MEIS1: variants seen among roughly 807,000 people sequenced by gnomAD.
MEIS1 encodes homeobox protein Meis1.
Under a neutral mutation model 50.8 loss-of-function variants are expected in MEIS1, and 5 were observed. The observed-to-expected ratio is 0.10, with a 90% CI of 0.05 to 0.21. The LOEUF (loss-of-function observed/expected upper bound fraction) is 0.21. Among genes scored for constraint, MEIS1 ranks in the 10% least tolerant of loss-of-function variants. The probability of loss-of-function intolerance (pLI) is 1.00; values close to 1 mark genes in which losing one functional copy is unlikely to be tolerated. For synonymous variants in MEIS1, 176 were observed against 179.3 expected, an observed-to-expected ratio of 0.98 and a Z score of 0.15; for missense variants, 318 against 517.3, an observed-to-expected ratio of 0.61 and a Z score of 3.74.
chr2:66,435,908 T>C, intron 1 of MEIS1, 40 bp downstream of exon 1: 2 of 1,538,834 alleles, frequency 1.3e-6, no homozygotes, highest in Non-Finnish European at 1.7e-6. Context: ...AAATGTGAGA[T>C]TAAATTGAAA....
intron 9 of MEIS1, among the ~76,000 whole-genome samples, chr2:66,554,166 C>G (rs1674993996): frequency 6.6e-6 from 1 of 152,166 alleles, no homozygotes; most frequent in African/African-American, 2.4e-5. Context: ...AGTTGGGAGA[C>G]TGATTTACCC....
rs147200543 is a variant in MEIS1 at position 66,451,714 on chromosome 2, A to G, written c.630+8666A>G. Among the ~76,000 whole-genome samples, 764 of 152,094 alleles carry G rather than the reference A, an allele frequency of 5.0e-3. 7 individuals carry two copies. The highest frequency in any genetic ancestry group is 0.018 in the African/African-American group (734 of 41,552). On this transcript the variant is annotated intron_variant, in intron 6 of 12. Transcript: ENST00000272369. ...TTAATTTCAAACTACATGATGTATA[A>G]TTTCTGAAATTCTAAAGGCATACTT...
At chr2:66,561,397 T>G (rs1675208901) in intron 9 of MEIS1, among the ~76,000 whole-genome samples, 1 of 152,212 alleles carries the variant, frequency 6.6e-6, no homozygotes, top group Non-Finnish European at 1.5e-5. Flanking sequence ...ATTTGAAGAT[T>G]TTTCATGAGG....
chr2:66,445,427 T>C (rs1236593355), intron 6 of MEIS1: 1 of 152,402 alleles, frequency 6.6e-6, no homozygotes, highest in Non-Finnish European at 1.5e-5. Context: ...TGGGCGCCAG[T>C]TCTCCGGTCT....
intron 7 of MEIS1, among the ~76,000 whole-genome samples, chr2:66,477,238 A>G (rs1177486717): frequency 6.6e-6 from 1 of 152,144 alleles, no homozygotes; most frequent in East Asian, 1.9e-4. Context: ...ACTTAGGCAG[A>G]GGGAGGAGGC....
chr2:66,468,731 T>C (rs553140968), intron 7 of MEIS1, among the ~76,000 whole-genome samples: 2 of 152,224 alleles, frequency 1.3e-5, no homozygotes, highest in Non-Finnish European at 2.9e-5. Context: ...CAGTTGTCTG[T>C]ACTGAACCTG....
chr2:66,567,641 A>G, intron 10 of MEIS1, 130 bp downstream of exon 10: 1 of 821,038 alleles, frequency 1.2e-6, no homozygotes, highest in Non-Finnish European at 2.1e-6. Context: ...TTAAAATTAA[A>G]CCAGTTTCGT....
chr2:66,504,249 T>C (rs1172888714), intron 7 of MEIS1, among the ~76,000 whole-genome samples: 1 of 151,872 alleles, frequency 6.6e-6, no homozygotes, highest in Non-Finnish European at 1.5e-5. Flanking sequence ...CTTTCTTTTT[T>C]TTGAGATGGA....
At chr2:66,455,993 T>C (rs1219088735) in intron 6 of MEIS1, among the ~76,000 whole-genome samples, 2 of 152,074 alleles carry the variant, frequency 1.3e-5, no homozygotes, top group East Asian at 1.9e-4. Flanking sequence ...GGTAGAAAAC[T>C]TTTCACTTAA....
At chr2:66,444,867 G>A (rs1389158702) in intron 6 of MEIS1, among the ~76,000 whole-genome samples, 2 of 152,254 alleles carry the variant, frequency 1.3e-5, no homozygotes, top group Admixed American at 6.5e-5. Context: ...ATCGCTTAGG[G>A]GCATGAATGA....
chr2:66,447,381 C>T (rs1339729177), intron 6 of MEIS1, among the ~76,000 whole-genome samples: 1 of 152,200 alleles, frequency 6.6e-6, no homozygotes, highest in Admixed American at 6.5e-5. Context: ...AAAGTCTTAG[C>T]ATCACCTAAC....
At chr2:66,512,411 GT>G in intron 8 of MEIS1, 117 bp downstream of exon 8, 3 of 1,204,474 alleles carry the variant, frequency 2.5e-6, no homozygotes, top group Non-Finnish European at 3.3e-6. Flanking sequence ...AAATAACTGT[GT>G]TCCCACAGTT....
At chr2:66,530,715 CA>C (rs5831815) in intron 8 of MEIS1, among the ~76,000 whole-genome samples, 93,995 of 148,658 alleles carry the variant, frequency 0.63, 29,585 homozygotes, top group East Asian at 0.81. Context: ...GACTCCAACT[CA>C]AAAAAAAAAA....
At chr2:66,491,085 A>G (rs565671374) in intron 7 of MEIS1, among the ~76,000 whole-genome samples, 4 of 129,268 alleles carry the variant, frequency 3.1e-5, no homozygotes, top group East Asian at 4.1e-4. Context: ...CAACCAATGG[A>G]AAAAAAAAAG....
rs948891391 is a variant in MEIS1, at chr2:66,440,255, C to G, written c.381+271C>G. Reference sequence around the variant, plus strand: ...AGAAAGCAAACGTGGAGAGCTCACTCTGCAGAATAAAATCAAGAACACCAC... The same window carrying G: ...AGAAAGCAAACGTGGAGAGCTCACTGTGCAGAATAAAATCAAGAACACCAC... On this transcript the variant is annotated intron_variant, in intron 3 of 12. Transcript: ENST00000272369. 1.2e-5 allele frequency: 7 copies of G among 592,442 alleles called. No individual in the cohort carries two copies. In the South Asian group the frequency reaches 1.5e-4, roughly 12 times the overall value. 36.7% of individuals were successfully genotyped at this position (592,442 alleles called of 1,614,324 possible).
At chr2:66,568,800 G>T in intron 11 of MEIS1, 44 bp downstream of exon 11, 2 of 1,513,570 alleles carry the variant, frequency 1.3e-6, no homozygotes. Context: ...TTGACTCCAA[G>T]AGTGTCATCC....
chr2:66,539,201 A>G (rs548567051), intron 8 of MEIS1, among the ~76,000 whole-genome samples: 1 of 152,234 alleles, frequency 6.6e-6, no homozygotes, highest in East Asian at 1.9e-4. Context: ...GTGCTCTTGT[A>G]TATAAGCTAC....
At chr2:66,534,506 C>T (rs913793683) in intron 8 of MEIS1, among the ~76,000 whole-genome samples, 9 of 151,982 alleles carry the variant, frequency 5.9e-5, no homozygotes, top group African/African-American at 2.2e-4. Context: ...TGCGCTTCAG[C>T]CTGGGCAACA....
At position 66,516,143 on chromosome 2, in the gene MEIS1, T is replaced by C. The variant is rs375470036; in HGVS notation, c.888+3849T>C. Reference sequence around the variant, plus strand: ...TCAAGGGTCTCTTTTCTTTTTTGTTTTCCTATCCTATCATATTGCAGTCTA... The same window carrying C: ...TCAAGGGTCTCTTTTCTTTTTTGTTCTCCTATCCTATCATATTGCAGTCTA... On this transcript the variant is annotated intron_variant, in intron 8 of 12. Coordinates refer to ENST00000272369, the MANE Select transcript of MEIS1 (RefSeq NM_002398.3). Among the ~76,000 whole-genome samples the C allele has an allele frequency of 1.1e-3, 164 of 152,328 alleles. No homozygotes were observed. In the Middle Eastern group the frequency reaches 0.014, roughly 13 times the overall value.
Sources: gnomAD v4.1 joint callset for allele counts (sites outside exome capture counted in the v4.1 genomes callset) on GRCh38, gnomAD v4.1.1 for gene constraint, MANE v1.5 for transcripts, NCBI Gene and HGNC (gene_info 2026-07-23, HGNC 2026-07-21) for gene names.